TNKS: variants seen among roughly 807,000 people sequenced by gnomAD.
TNKS encodes tankyrase.
In TNKS, 72 loss-of-function variants were observed where a neutral mutation model predicts 135.8. The observed-to-expected ratio is 0.53, with a 90% CI of 0.44 to 0.64. The LOEUF (loss-of-function observed/expected upper bound fraction) is 0.64, where lower values mean the gene tolerates loss of function less well. Among genes scored for constraint, TNKS ranks in the 30% least tolerant of loss-of-function variants. The probability of loss-of-function intolerance (pLI) is 0.00; values close to 1 mark genes in which losing one functional copy is unlikely to be tolerated. For synonymous variants in TNKS, 849 were observed against 649.3 expected (o/e 1.31, Z -4.68); for missense variants, 1,769 against 1,674.0 (o/e 1.06, Z -0.99).
intron 3 of TNKS, among the ~76,000 whole-genome samples, chr8:9,672,701 CACACACACACAAAA>C (rs1802345350): frequency 8.6e-6 from 1 of 116,494 alleles, no homozygotes; most frequent in Non-Finnish European, 1.8e-5. Flanking sequence ...CACACACACA[CACACACACACAAAA>C]AAAAAAAAAC....
intron 2 of TNKS, among the ~76,000 whole-genome samples, chr8:9,607,640 C>G (rs1799281489): frequency 1.3e-5 from 2 of 152,110 alleles, no homozygotes; most frequent in Non-Finnish European, 1.5e-5. Flanking sequence ...TACTCGTTTC[C>G]TAAGTGAGGC....
At chr8:9,660,152 A>G (rs1480095932) in intron 3 of TNKS, among the ~76,000 whole-genome samples, 1 of 152,244 alleles carries the variant, frequency 6.6e-6, no homozygotes, top group Non-Finnish European at 1.5e-5. Flanking sequence ...GAATTCTACC[A>G]GAGGTACAAG....
chr8:9,649,877 T>A (rs1191936917), intron 3 of TNKS, among the ~76,000 whole-genome samples: 1 of 109,182 alleles, frequency 9.2e-6, no homozygotes, highest in East Asian at 2.9e-4. Context: ...TCTTTTCTTT[T>A]CTTTTTTTTT....
chr8:9,724,749 C>G (rs1805078871), intron 12 of TNKS, among the ~76,000 whole-genome samples: 1 of 152,178 alleles, frequency 6.6e-6, no homozygotes, highest in Admixed American at 6.6e-5. Context: ...ACTTTCTCCT[C>G]TTTAACCAGG....
chr8:9,697,686 G>C (rs1047598946), intron 5 of TNKS, among the ~76,000 whole-genome samples: 4 of 152,048 alleles, frequency 2.6e-5, no homozygotes, highest in African/African-American at 9.7e-5. Context: ...ATGAAAAAAT[G>C]CTTATCATTA....
intron 2 of TNKS, among the ~76,000 whole-genome samples, chr8:9,605,989 T>A (rs572271967): frequency 2.0e-5 from 3 of 151,944 alleles, no homozygotes; most frequent in Non-Finnish European, 4.4e-5. Context: ...GCTTAGTTTC[T>A]TTTTCTCCTA....
At chr8:9,715,365 G>T (rs28371382) in intron 11 of TNKS, among the ~76,000 whole-genome samples, 3 of 150,916 alleles carry the variant, frequency 2.0e-5, no homozygotes, top group Non-Finnish European at 4.4e-5. Context: ...GCAGCAGGGG[G>T]GGCGGGTATG....
At chr8:9,732,305 G>A (rs1014528950) in intron 14 of TNKS, among the ~76,000 whole-genome samples, 1 of 152,176 alleles carries the variant, frequency 6.6e-6, no homozygotes, top group Non-Finnish European at 1.5e-5. Flanking sequence ...ACTTAGAAAT[G>A]TGAGAAAGGT....
chr8:9,567,009 T>A (rs1004678142), intron 1 of TNKS, among the ~76,000 whole-genome samples: 3 of 152,260 alleles, frequency 2.0e-5, no homozygotes, highest in Non-Finnish European at 4.4e-5. Flanking sequence ...TCATTTGGTC[T>A]GTGCTACTCA....
chr8:9,571,166 A>C (rs1250974803), intron 1 of TNKS, among the ~76,000 whole-genome samples: 1 of 152,138 alleles, frequency 6.6e-6, no homozygotes, highest in Non-Finnish European at 1.5e-5. Context: ...TGTTGAATTT[A>C]AGGAAGCTAC....
chr8:9,603,073 G>A (rs575466304), intron 2 of TNKS, among the ~76,000 whole-genome samples: 2 of 150,238 alleles, frequency 1.3e-5, no homozygotes, highest in East Asian at 3.9e-4. Context: ...TTTTTTTTGA[G>A]ATGGAGTCTC....
At chr8:9,563,829 A>C (rs1172838719) in intron 1 of TNKS, among the ~76,000 whole-genome samples, 3 of 152,108 alleles carry the variant, frequency 2.0e-5, no homozygotes, top group African/African-American at 7.2e-5. Context: ...TTATTCTCCA[A>C]ATTCTTCTTG....
chr8:9,624,063 G>C (rs1395135320), intron 3 of TNKS, among the ~76,000 whole-genome samples: 1 of 150,070 alleles, frequency 6.7e-6, no homozygotes, highest in Admixed American at 6.7e-5. Flanking sequence ...TTTCTGTTTG[G>C]ATAATCTCAC....
At chr8:9,573,034 A>G (rs1797817369) in intron 1 of TNKS, among the ~76,000 whole-genome samples, 2 of 150,204 alleles carry the variant, frequency 1.3e-5, no homozygotes, top group South Asian at 4.2e-4. Context: ...TGTTATATGT[A>G]TATATATATA....
intron 5 of TNKS, among the ~76,000 whole-genome samples, chr8:9,699,785 A>G (rs954104642): frequency 5.9e-5 from 9 of 152,050 alleles, no homozygotes; most frequent in African/African-American, 2.2e-4. Context: ...CTCTCTCTTC[A>G]GCTTTATTCT....
intron 9 of TNKS, among the ~76,000 whole-genome samples, chr8:9,709,283 A>G (rs1487108967): frequency 6.6e-6 from 1 of 152,238 alleles, no homozygotes; most frequent in Non-Finnish European, 1.5e-5. Context: ...GGGTTGAGAT[A>G]GATTCAAGCT....
intron 2 of TNKS, among the ~76,000 whole-genome samples, chr8:9,604,579 C>A (rs1253929011): frequency 1.3e-5 from 2 of 151,800 alleles, no homozygotes; most frequent in East Asian, 3.9e-4. Flanking sequence ...AACTTGCATG[C>A]TTTCTCTTGA....
intron 11 of TNKS, among the ~76,000 whole-genome samples, chr8:9,717,743 C>G (rs1422168961): frequency 2.0e-5 from 3 of 152,012 alleles, no homozygotes; most frequent in African/African-American, 7.2e-5. Flanking sequence ...ATCTAATTGT[C>G]TAACACAGTC....
intron 4 of TNKS, 52 bp downstream of exon 4, chr8:9,680,039 G>A: frequency 7.3e-7 from 1 of 1,374,420 alleles, no homozygotes; most frequent in Non-Finnish European, 1.0e-6. Flanking sequence ...GGAAGAGAAG[G>A]AGGAGGGCAG....
Sources: allele counts gnomAD v4.1 joint callset (sites outside exome capture counted in the v4.1 genomes callset), GRCh38; gene constraint gnomAD v4.1.1; transcripts MANE v1.5; gene names NCBI Gene and HGNC (gene_info 2026-07-23, HGNC 2026-07-21).